Variants in CEMIP observed in about 807,000 individuals in gnomAD.
CEMIP encodes the protein cell migration inducing hyaluronidase 1, also known as cell migration-inducing and hyaluronan-binding protein.
Under a neutral mutation model 156.9 loss-of-function variants are expected in CEMIP, and 105 were observed. The observed-to-expected ratio is 0.67, with a 90% CI of 0.57 to 0.79. The LOEUF (loss-of-function observed/expected upper bound fraction) is 0.79. Ranked by LOEUF, CEMIP falls within the 30% of genes least tolerant of loss-of-function variation. The probability of loss-of-function intolerance (pLI) is 0.00; values close to 1 mark genes in which losing one functional copy is unlikely to be tolerated. For missense variants in CEMIP, 1,457 were observed against 1,769.4 expected, an observed-to-expected ratio of 0.82 and a Z score of 3.17; for synonymous variants, 676 against 668.4, an observed-to-expected ratio of 1.01 and a Z score of -0.17.
intron 13 of CEMIP, among the ~76,000 whole-genome samples, chr15:80,907,702 C>T (rs973600868): frequency 2.6e-5 from 4 of 152,224 alleles, no homozygotes; most frequent in African/African-American, 4.8e-5. Flanking sequence ...TACTAATTTA[C>T]TGGTGCTTAC....
chr15:80,930,283 A>C (rs1900857215), intron 21 of CEMIP, among the ~76,000 whole-genome samples: 2 of 152,374 alleles, frequency 1.3e-5, no homozygotes, highest in African/African-American at 4.8e-5. Flanking sequence ...GTAATGGAGC[A>C]GTCCCTTTCA....
chr15:80,915,951 A>G lies in CEMIP; in HGVS notation c.1798-4143A>G, dbSNP rs73505477. On this transcript the variant is annotated intron_variant, in intron 14 of 29. Coordinates refer to ENST00000394685, the MANE Select transcript of CEMIP (RefSeq NM_001293298.2). ...GTAATGGCAGAAGATTGGAAATTCCAGTCTTCTTTATAACATGGCTGTATT... is the reference window on the plus strand; with the variant it reads ...GTAATGGCAGAAGATTGGAAATTCCGGTCTTCTTTATAACATGGCTGTATT... Among the ~76,000 whole-genome samples the G allele has an allele frequency of 6.1e-3, 925 of 152,244 alleles. 10 individuals are homozygous for G. Among genetic ancestry groups the G allele is most frequent in the African/African-American group, 0.021 (887 of 41,570 alleles).
Position 80,914,248 on chromosome 15 carries a change from T to C in CEMIP, c.1797+4942T>C, listed in dbSNP as rs188969998. ...GTAATGGAATGGTCCAGTACTTTTG[T>C]GGAAGGACAAAATGACTTCAATATG... On this transcript the variant is annotated intron_variant, in intron 14 of 29. Coordinates refer to ENST00000394685, the MANE Select transcript of CEMIP (RefSeq NM_001293298.2). Among the ~76,000 whole-genome samples the C allele has an allele frequency of 2.0e-5, 3 of 152,362 alleles. No homozygotes were observed. In the East Asian group the frequency reaches 5.8e-4, roughly 29 times the overall value.
At chr15:80,856,567 G>A (rs1897856920) in intron 1 of CEMIP, among the ~76,000 whole-genome samples, 1 of 152,156 alleles carries the variant, frequency 6.6e-6, no homozygotes, top group African/African-American at 2.4e-5. Context: ...GTGGAATCCT[G>A]GGGTCCCCTA....
intron 23 of CEMIP, among the ~76,000 whole-genome samples, chr15:80,935,744 GT>G (rs1260692296): frequency 6.6e-6 from 1 of 151,738 alleles, no homozygotes; most frequent in African/African-American, 2.4e-5. Context: ...TTTTGTTTTT[GT>G]TTTGAGATGG....
At chr15:80,892,268 A>G (rs990061604) in intron 10 of CEMIP, among the ~76,000 whole-genome samples, 4 of 152,226 alleles carry the variant, frequency 2.6e-5, no homozygotes, top group Admixed American at 2.0e-4. Context: ...TGGAGGAGGC[A>G]GGTTGGGAAG....
intron 4 of CEMIP, among the ~76,000 whole-genome samples, chr15:80,879,146 G>T (rs1486142305): frequency 1.3e-5 from 2 of 152,210 alleles, no homozygotes; most frequent in Non-Finnish European, 2.9e-5. Context: ...GTCATTGAAT[G>T]CAGTACATGC....
intron 1 of CEMIP, among the ~76,000 whole-genome samples, chr15:80,794,320 C>T (rs1896160303): frequency 6.6e-6 from 1 of 152,136 alleles, no homozygotes; most frequent in African/African-American, 2.4e-5. Context: ...GACTCATTCA[C>T]TCATTTATTC....
chr15:80,889,663 A>AT (rs1898967937), intron 10 of CEMIP, 71 bp downstream of exon 10: 3 of 1,588,216 alleles, frequency 1.9e-6, no homozygotes, highest in African/African-American at 1.3e-5. Flanking sequence ...GATCACAGAC[A>AT]TTCTTGTCAC....
intron 1 of CEMIP, among the ~76,000 whole-genome samples, chr15:80,849,903 CA>C (rs1897671966): frequency 6.6e-6 from 1 of 152,236 alleles, no homozygotes; most frequent in African/African-American, 2.4e-5. Flanking sequence ...GCGCCTGATA[CA>C]TGCTAGAGAT....
intron 19 of CEMIP, among the ~76,000 whole-genome samples, chr15:80,928,636 A>C (rs1247751954): frequency 2.6e-5 from 4 of 152,138 alleles, no homozygotes; most frequent in African/African-American, 9.7e-5. Context: ...CCCAGTCTGC[A>C]TGCTGTCAAT....
intron 1 of CEMIP, among the ~76,000 whole-genome samples, chr15:80,798,317 C>A (rs754578804): frequency 6.6e-6 from 1 of 152,020 alleles, no homozygotes; most frequent in South Asian, 2.1e-4. Context: ...TTTTCAAAGT[C>A]GTCTTTTTAA....
intron 27 of CEMIP, 30 bp from the exon 28 acceptor site, chr15:80,942,915 C>A (rs1901396053): frequency 1.2e-6 from 2 of 1,614,094 alleles, no homozygotes; most frequent in Non-Finnish European, 1.7e-6. Flanking sequence ...TGGCACCCTG[C>A]CTCACACCTG....
chr15:80,854,469 T>G (rs1897795294), intron 1 of CEMIP, among the ~76,000 whole-genome samples: 1 of 152,270 alleles, frequency 6.6e-6, no homozygotes, highest in African/African-American at 2.4e-5. Context: ...AACGCAAGGC[T>G]GACCTGTGAG....
chr15:80,933,277 G>A lies in CEMIP; in HGVS notation c.2826G>A (p.Gly942=), dbSNP rs1900994841. ...CCAGAGTGTTCTTCGGAGAGCCTGG[G>A]CCCTGGTTCAACCAGCTGGACATGG... ...ITSRVFFGEP[G]PWFNQLDMDG... The change falls in exon 23 of 30, where the codon GGG becomes GGA. Residue 942 remains glycine (G), a synonymous_variant. Transcript: ENST00000394685. The A allele has an allele frequency of 1.2e-6, 2 of 1,614,190 alleles. No homozygotes were observed. The highest frequency in any genetic ancestry group is 1.7e-6 in the Non-Finnish European group (2 of 1,180,030).
chr15:80,805,759 A>C (rs1449613255), intron 1 of CEMIP, among the ~76,000 whole-genome samples: 2 of 152,228 alleles, frequency 1.3e-5, no homozygotes, highest in African/African-American at 4.8e-5. Flanking sequence ...TTGCTTACAT[A>C]AACTTGATAT....
chr15:80,850,495 T>C (rs1897689589), intron 1 of CEMIP, among the ~76,000 whole-genome samples: 1 of 152,132 alleles, frequency 6.6e-6, no homozygotes, highest in South Asian at 2.1e-4. Flanking sequence ...GCCAGGCTGG[T>C]CTCAAACTCC....
At chr15:80,937,325 A>G (rs1244919557) in intron 24 of CEMIP, among the ~76,000 whole-genome samples, 1 of 152,220 alleles carries the variant, frequency 6.6e-6, no homozygotes, top group African/African-American at 2.4e-5. Flanking sequence ...ATAGGGCTTC[A>G]TATATTTAGA....
chr15:80,937,803 G>T lies in CEMIP; in HGVS notation c.3231G>T (p.Trp1077Cys). Reference sequence around the variant, plus strand: ...CTACTTCCAATCCTAGGGGCGACTGGATCCGAGTGGGGCTCTGCTACCCGC... The same window carrying T: ...CTACTTCCAATCCTAGGGGCGACTGTATCCGAGTGGGGCTCTGCTACCCGC... ...IWLINFNKGD[W>C]IRVGLCYPRG... The change falls in exon 25 of 30, where the codon TGG becomes TGT. Residue 1077 changes from tryptophan (W) to cysteine (C), a missense_variant. By Grantham distance (215) the Trp-to-Cys change is radical (BLOSUM62 -2). Coordinates refer to ENST00000394685, the MANE Select transcript of CEMIP (RefSeq NM_001293298.2). 6.2e-7 allele frequency: 1 copy of T among 1,614,216 alleles called. No homozygotes were observed. Among genetic ancestry groups the T allele is most frequent in the Non-Finnish European group, 8.5e-7 (1 of 1,180,034 alleles).
Sources: gnomAD v4.1 joint callset for allele counts (sites outside exome capture counted in the v4.1 genomes callset) on GRCh38, gnomAD v4.1.1 for gene constraint, MANE v1.5 for transcripts, NCBI Gene and HGNC (gene_info 2026-07-23, HGNC 2026-07-21) for gene names.